HMOX2: variants seen among roughly 807,000 people sequenced by gnomAD.
HMOX2 encodes heme oxygenase (decycling) 2.
HMOX2 carries 30 observed loss-of-function variants against 33.7 expected under a neutral mutation model. The observed-to-expected ratio is 0.89, with a 90% CI of 0.67 to 1.21. The LOEUF is 1.21. Among genes scored for constraint, HMOX2 ranks in the 50% most tolerant of loss-of-function variants. HMOX2 has a pLI of 0.00. For synonymous variants in HMOX2, 155 were observed against 155.0 expected (o/e 1.00, Z 0.00); for missense variants, 403 against 399.1 (o/e 1.01, Z -0.08).
chr16:4,486,371 C>A (rs1210911620), intron 1 of HMOX2, among the ~76,000 whole-genome samples: 1 of 152,202 alleles, frequency 6.6e-6, no homozygotes, highest in East Asian at 1.9e-4. Context: ...TAGGAGAGGA[C>A]TGCTGAGGCC....
At chr16:4,475,205 A>G (rs1482139090), upstream of HMOX2, among the ~76,000 whole-genome samples, 2 of 152,022 alleles carry the variant, frequency 1.3e-5, no homozygotes, top group Admixed American at 1.3e-4. Context: ...CACCCACCTC[A>G]GCCTCCCAAA....
intron 1 of HMOX2, among the ~76,000 whole-genome samples, chr16:4,477,497 TAAAAAAAA>T (rs35695989): frequency 1.4e-4 from 10 of 72,674 alleles, no homozygotes; most frequent in South Asian, 5.2e-4. Flanking sequence ...AGACTCCATC[TAAAAAAAA>T]AAAAAAAAAA....
chr16:4,487,715 G>T (rs1216670546), intron 1 of HMOX2, among the ~76,000 whole-genome samples: 2 of 151,940 alleles, frequency 1.3e-5, no homozygotes, highest in African/African-American at 4.8e-5. Flanking sequence ...TGGGAGAATG[G>T]CGTGAACCCG....
chr16:4,475,176 C>G (rs775296177), upstream of HMOX2, among the ~76,000 whole-genome samples: 2 of 151,890 alleles, frequency 1.3e-5, no homozygotes, highest in Non-Finnish European at 2.9e-5. Context: ...AGGTCTCGAA[C>G]TCCTGACTTA....
chr16:4,483,973 A>ATTT lies in HMOX2; in HGVS notation c.-42+7503_-42+7505dup, dbSNP rs34376283. On this transcript the variant is annotated intron_variant, in intron 1 of 5. Transcript: ENST00000570646. ...ATCACACCCGTGCATATGCCCAAAA[A>ATTT]TTTTTTTTTTTTTTTTTTTGAGACG... Among the ~76,000 whole-genome samples the ATTT allele has an allele frequency of 4.1e-3, 506 of 124,632 alleles. 14 individuals carry two copies. Among genetic ancestry groups the ATTT allele is most frequent in the African/African-American group, 0.014 (454 of 31,934 alleles). 81.8% of individuals were successfully genotyped at this position (124,632 alleles called of 152,430 possible). A position where few individuals can be genotyped will look rare whatever the true frequency, so the allele number is the denominator to read the frequency against.
At chr16:4,480,103 A>G (rs2057980103) in intron 1 of HMOX2, among the ~76,000 whole-genome samples, 2 of 151,668 alleles carry the variant, frequency 1.3e-5, no homozygotes, top group African/African-American at 4.8e-5. Context: ...GCTGGAGTAC[A>G]GTGATCTGAT....
chr16:4,481,565 C>G (rs2058033309), intron 1 of HMOX2, among the ~76,000 whole-genome samples: 1 of 152,060 alleles, frequency 6.6e-6, no homozygotes, highest in Admixed American at 6.6e-5. Flanking sequence ...GTACATAAAG[C>G]TCTATCTTTA....
intron 2 of HMOX2, among the ~76,000 whole-genome samples, chr16:4,506,213 T>C (rs942772051): frequency 1.2e-4 from 18 of 152,256 alleles, no homozygotes; most frequent in Non-Finnish European, 2.5e-4. Context: ...GTAGATGGAT[T>C]GTGTGGACAC....
intron 1 of HMOX2, among the ~76,000 whole-genome samples, chr16:4,478,776 A>AG: frequency 6.6e-6 from 1 of 151,720 alleles, no homozygotes; most frequent in East Asian, 1.9e-4. Flanking sequence ...AAAAAAAAAA[A>AG]AAAGAAAGAA....
intron 1 of HMOX2, chr16:4,488,705 G>A (rs766200868): frequency 6.6e-6 from 1 of 152,630 alleles, no homozygotes; most frequent in Non-Finnish European, 1.5e-5. Flanking sequence ...CAACTTGGGG[G>A]ACATTGGATA....
At chr16:4,478,487 A>T (rs879435142) in intron 1 of HMOX2, among the ~76,000 whole-genome samples, 1 of 152,186 alleles carries the variant, frequency 6.6e-6, no homozygotes. Context: ...GCAGTGGCTC[A>T]TGCTTGTGAT....
intron 1 of HMOX2, among the ~76,000 whole-genome samples, chr16:4,489,331 C>T (rs1456173116): frequency 2.0e-5 from 3 of 152,174 alleles, no homozygotes; most frequent in Non-Finnish European, 4.4e-5. Context: ...CTCCCTCTCT[C>T]CCTTCCTCCC....
chr16:4,489,101 GGC>G (rs2058245919), intron 1 of HMOX2, among the ~76,000 whole-genome samples: 1 of 152,098 alleles, frequency 6.6e-6, no homozygotes, highest in Non-Finnish European at 1.5e-5. Flanking sequence ...CTACCAATCA[GGC>G]TTTCAGAGAC....
intron 1 of HMOX2, among the ~76,000 whole-genome samples, chr16:4,487,778 A>C (rs1305548092): frequency 3.2e-5 from 4 of 126,880 alleles, no homozygotes; most frequent in Admixed American, 8.3e-5. Flanking sequence ...ACAGAGCGAG[A>C]CTCCGTCTCA....
intron 1 of HMOX2, among the ~76,000 whole-genome samples, chr16:4,481,185 A>G (rs1417616221): frequency 1.3e-5 from 2 of 151,642 alleles, no homozygotes; most frequent in Non-Finnish European, 2.9e-5. Flanking sequence ...TCTCTACTAA[A>G]AAATACAAAA....
At chr16:4,503,170 T>C (rs558392156) in intron 1 of HMOX2, among the ~76,000 whole-genome samples, 2 of 152,084 alleles carry the variant, frequency 1.3e-5, no homozygotes, top group Non-Finnish European at 2.9e-5. Context: ...AATCAAGGTC[T>C]GAAGGCCCAT....
At chr16:4,498,945 A>G (rs1459163975) in intron 1 of HMOX2, among the ~76,000 whole-genome samples, 1 of 152,156 alleles carries the variant, frequency 6.6e-6, no homozygotes. Flanking sequence ...CTGCTGCCCC[A>G]AACATGTGGC....
intron 1 of HMOX2, 30 bp from the exon 2 acceptor site, chr16:4,505,454 C>G (rs777391263): frequency 1.7e-6 from 2 of 1,160,510 alleles, no homozygotes; most frequent in Non-Finnish European, 2.5e-6. Context: ...GCCGTGGGTG[C>G]CACATCACCA....
intron 1 of HMOX2, among the ~76,000 whole-genome samples, chr16:4,481,218 G>A (rs1411255823): frequency 5.3e-5 from 8 of 151,744 alleles, no homozygotes; most frequent in Non-Finnish European, 1.0e-4. Context: ...GCATGGTGGC[G>A]GGCGCCTGTA....
Sources: allele counts gnomAD v4.1 joint callset (sites outside exome capture counted in the v4.1 genomes callset), GRCh38; gene constraint gnomAD v4.1.1; transcripts MANE v1.5; gene names NCBI Gene and HGNC (gene_info 2026-07-23, HGNC 2026-07-21).